Variants in NRG3 observed in about 807,000 individuals in gnomAD.
The protein encoded by NRG3 is pro-neuregulin-3, membrane-bound isoform.
NRG3 carries 31 observed loss-of-function variants against 66.9 expected under a neutral mutation model. That is an observed-to-expected ratio of 0.46 (90% CI 0.35 to 0.63). The LOEUF is 0.63. NRG3 is among the 20% of genes least tolerant of loss of function. The pLI, the probability that NRG3 is intolerant of heterozygous loss-of-function variation, is 0.00. For synonymous variants in NRG3, 393 were observed against 359.4 expected, an observed-to-expected ratio of 1.09 and a Z score of -1.06; for missense variants, 910 against 878.9, an observed-to-expected ratio of 1.04 and a Z score of -0.45.
At chr10:82,473,120 T>G (rs1322224529) in intron 2 of NRG3, among the ~76,000 whole-genome samples, 2 of 152,208 alleles carry the variant, frequency 1.3e-5, no homozygotes, top group Admixed American at 6.5e-5. Flanking sequence ...AAAGCAATCC[T>G]GTGATTGTAC....
chr10:82,158,120 T>C (rs1279763565), intron 1 of NRG3, among the ~76,000 whole-genome samples: 1 of 151,852 alleles, frequency 6.6e-6, no homozygotes, highest in East Asian at 1.9e-4. Flanking sequence ...TTTGTTTTTC[T>C]AGAGTGGTAA....
intron 1 of NRG3, among the ~76,000 whole-genome samples, chr10:82,102,338 C>T (rs1344137349): frequency 6.7e-6 from 1 of 149,930 alleles, no homozygotes; most frequent in Non-Finnish European, 1.5e-5. Flanking sequence ...TACTTTTAGC[C>T]TGTCCATGTT....
intron 7 of NRG3, among the ~76,000 whole-genome samples, chr10:82,977,172 A>G (rs755048309): frequency 3.3e-5 from 5 of 152,108 alleles, no homozygotes; most frequent in Non-Finnish European, 7.3e-5. Context: ...GGCCCCGCAG[A>G]CCCCATCATT....
intron 4 of NRG3, among the ~76,000 whole-genome samples, chr10:82,924,910 G>A (rs945423104): frequency 6.6e-6 from 1 of 152,118 alleles, no homozygotes; most frequent in Non-Finnish European, 1.5e-5. Context: ...TAATTATAGG[G>A]ATAAAAGAGA....
At chr10:82,642,207 A>G (rs2133819549) in intron 2 of NRG3, among the ~76,000 whole-genome samples, 1 of 152,132 alleles carries the variant, frequency 6.6e-6, no homozygotes. Flanking sequence ...ATGGTATTCT[A>G]TTATATACAT....
At chr10:82,983,562 G>A (rs1207732145) in intron 8 of NRG3, among the ~76,000 whole-genome samples, 1 of 152,148 alleles carries the variant, frequency 6.6e-6, no homozygotes, top group East Asian at 1.9e-4. Context: ...TAAATTCTCT[G>A]TGTGACACAT....
intron 2 of NRG3, among the ~76,000 whole-genome samples, chr10:82,391,472 C>G (rs556009889): frequency 2.0e-5 from 3 of 152,310 alleles, no homozygotes; most frequent in Admixed American, 6.5e-5. Context: ...TTCCTATCCT[C>G]TGTTGCAACT....
intron 2 of NRG3, among the ~76,000 whole-genome samples, chr10:82,681,866 T>A (rs954302043): frequency 1.3e-5 from 2 of 152,222 alleles, no homozygotes; most frequent in Non-Finnish European, 2.9e-5. Flanking sequence ...CCATTGTTTT[T>A]ATATCTTCTA....
chr10:82,292,813 A>G (rs1418807080), intron 1 of NRG3, among the ~76,000 whole-genome samples: 2 of 152,196 alleles, frequency 1.3e-5, no homozygotes, highest in Admixed American at 1.3e-4. Context: ...ATGGAAAACA[A>G]TGTGTAGTTT....
intron 2 of NRG3, among the ~76,000 whole-genome samples, chr10:82,542,318 T>C (rs897731199): frequency 1.3e-5 from 2 of 152,198 alleles, no homozygotes; most frequent in Non-Finnish European, 2.9e-5. Flanking sequence ...TGGAACATTT[T>C]ATTTTGTCAA....
chr10:82,059,854 C>CA (rs1411072521), intron 1 of NRG3, among the ~76,000 whole-genome samples: 1 of 152,148 alleles, frequency 6.6e-6, no homozygotes, highest in African/African-American at 2.4e-5. Context: ...TAGGTACCAC[C>CA]AGTGGCTTCT....
At chr10:82,250,443 G>T (rs573624299) in intron 1 of NRG3, among the ~76,000 whole-genome samples, 1 of 152,126 alleles carries the variant, frequency 6.6e-6, no homozygotes, top group East Asian at 1.9e-4. Flanking sequence ...AAAATTATCT[G>T]GGCATGGTGG....
chr10:82,015,541 A>G (rs1172436528), intron 1 of NRG3, among the ~76,000 whole-genome samples: 3 of 152,032 alleles, frequency 2.0e-5, no homozygotes, highest in Non-Finnish European at 2.9e-5. Flanking sequence ...GGTTTCCCCC[A>G]TGCTGTTCTT....
intron 2 of NRG3, among the ~76,000 whole-genome samples, chr10:82,604,706 A>G (rs1488758735): frequency 1.3e-5 from 2 of 152,186 alleles, no homozygotes; most frequent in African/African-American, 4.8e-5. Flanking sequence ...ACTATAGTCA[A>G]CTGATGTTTG....
At chr10:82,712,915 T>G (rs114491652) in intron 2 of NRG3, among the ~76,000 whole-genome samples, 1 of 150,720 alleles carries the variant, frequency 6.6e-6, no homozygotes, top group Non-Finnish European at 1.5e-5. Context: ...AGGTCAGGAG[T>G]TTATGACCAC....
At chr10:82,097,411 T>C in intron 1 of NRG3, among the ~76,000 whole-genome samples, 1 of 93,916 alleles carries the variant, frequency 1.1e-5, no homozygotes, top group Non-Finnish European at 2.1e-5. Context: ...CAGATACATA[T>C]ATATATATCT....
At chr10:82,630,041 TC>T in intron 2 of NRG3, among the ~76,000 whole-genome samples, 1 of 152,182 alleles carries the variant, frequency 6.6e-6, no homozygotes, top group African/African-American at 2.4e-5. Context: ...TTCACCTTCT[TC>T]CCCAGCAATA....
chr10:82,920,588 G>C (rs1180433787), intron 4 of NRG3, among the ~76,000 whole-genome samples: 2 of 152,056 alleles, frequency 1.3e-5, no homozygotes, highest in Non-Finnish European at 2.9e-5. Context: ...CTCAGATCTT[G>C]GTTTCTAAAA....
chr10:82,299,510 T>C (rs1404794926), intron 1 of NRG3, among the ~76,000 whole-genome samples: 1 of 151,106 alleles, frequency 6.6e-6, no homozygotes, highest in South Asian at 2.1e-4. Flanking sequence ...CCAGCATTTT[T>C]AAAAATGGCC....
Sources: gnomAD v4.1 joint callset for allele counts (sites outside exome capture counted in the v4.1 genomes callset) on GRCh38, gnomAD v4.1.1 for gene constraint, MANE v1.5 for transcripts, NCBI Gene and HGNC (gene_info 2026-07-23, HGNC 2026-07-21) for gene names.